IER3IP1: variants seen among roughly 807,000 people sequenced by gnomAD.
The protein encoded by IER3IP1 is immediate early response 3 interacting protein 1.
A neutral mutation model predicts 12.2 loss-of-function variants in IER3IP1; 16 were observed. The observed-to-expected ratio is 1.31, with a 90% CI of 0.89 to 1.99. The LOEUF (loss-of-function observed/expected upper bound fraction) is 1.99. Ranked by LOEUF, IER3IP1 falls within the 30% of genes most tolerant of loss-of-function variation. The pLI is 0.00. For missense variants in IER3IP1, 95 were observed against 95.8 expected (o/e 0.99, Z 0.03); for synonymous variants, 42 against 40.0 (o/e 1.05, Z -0.19).
intron 1 of IER3IP1, 31 bp downstream of exon 1, chr18:47,176,156 G>A (rs372599582): frequency 4.5e-6 from 7 of 1,555,200 alleles, no homozygotes; most frequent in Non-Finnish European, 5.2e-6. Context: ...CTCCGCCGCC[G>A]CCCCAGCCCG....
chr18:47,162,758 A>T (rs2063983783), intron 1 of IER3IP1, among the ~76,000 whole-genome samples: 1 of 152,190 alleles, frequency 6.6e-6, no homozygotes, highest in Admixed American at 6.5e-5. Context: ...CTTTTTAGCC[A>T]AAAGGGTCCA....
intron 1 of IER3IP1, among the ~76,000 whole-genome samples, chr18:47,158,455 C>G (rs750898346): frequency 2.0e-4 from 30 of 152,166 alleles, no homozygotes; most frequent in Non-Finnish European, 3.8e-4. Flanking sequence ...GATCCTCCCA[C>G]CTCGGCCTCC....
intron 1 of IER3IP1, among the ~76,000 whole-genome samples, chr18:47,164,615 T>A (rs985267608): frequency 1.3e-5 from 2 of 151,948 alleles, no homozygotes; most frequent in Admixed American, 1.3e-4. Flanking sequence ...GAGACCAGCC[T>A]GACAAAAAGT....
chr18:47,167,233 G>A (rs1258561434), intron 1 of IER3IP1, among the ~76,000 whole-genome samples: 2 of 151,998 alleles, frequency 1.3e-5, no homozygotes, highest in Non-Finnish European at 2.9e-5. Flanking sequence ...TGTACTTGAG[G>A]AGAGACAGGG....
At chr18:47,161,037 CTT>C (rs1171153836) in intron 1 of IER3IP1, among the ~76,000 whole-genome samples, 2 of 152,318 alleles carry the variant, frequency 1.3e-5, no homozygotes, top group Middle Eastern at 3.4e-3. Flanking sequence ...TTGTCCTTCT[CTT>C]GTCCTCATTT....
intron 1 of IER3IP1, among the ~76,000 whole-genome samples, chr18:47,161,018 T>G (rs749405854): frequency 6.6e-6 from 1 of 152,214 alleles, no homozygotes; most frequent in Non-Finnish European, 1.5e-5. Flanking sequence ...ATGTCCTCAT[T>G]TCTGCAATTT....
chr18:47,176,272 G>A lies in IER3IP1; in HGVS notation c.6C>T (p.Ala2=), dbSNP rs1397667968. Residue 2 remains alanine (A), a synonymous_variant, in exon 1 of 3, where the codon GCC becomes GCT. Coordinates refer to ENST00000256433, the MANE Select transcript of IER3IP1 (RefSeq NM_016097.5). M[A]FTLYSLLQAA... is the part of the protein sequence containing the mutation. ...CCTGCAGCAGTGAGTACAGGGTAAA[G>A]GCCATGGCCGTCCGAGGCCGCCCCG... 1 of 1,607,856 alleles carries A rather than the reference G, an allele frequency of 6.2e-7. No homozygotes were observed. The highest frequency in any genetic ancestry group is 1.1e-5 in the South Asian group (1 of 89,976).
Position 47,165,323 on chromosome 18 carries a change from C to T in IER3IP1, c.92-7786G>A, listed in dbSNP as rs538543286. ...ATCTCAGCACTTCGGGAGGCCAAGG[C>T]GGGCAGATCACTTGAGGCCAGAAGT... On this transcript the variant is annotated intron_variant, in intron 1 of 2. Transcript: ENST00000256433. Among the ~76,000 whole-genome samples, 11 of 152,220 alleles carry T rather than the reference C, an allele frequency of 7.2e-5. 1 individual carries two copies. The South Asian group carries it at 1.0e-3, about 14-fold the overall frequency.
chr18:47,158,703 A>G (rs1271926091), intron 1 of IER3IP1, among the ~76,000 whole-genome samples: 2 of 151,888 alleles, frequency 1.3e-5, no homozygotes, highest in South Asian at 2.1e-4. Context: ...ACTCACGCCT[A>G]TAATTCCAGC....
chr18:47,175,324 A>G, intron 1 of IER3IP1, among the ~76,000 whole-genome samples: 1 of 152,212 alleles, frequency 6.6e-6, no homozygotes, highest in Admixed American at 6.5e-5. Flanking sequence ...GAGTGTCTGA[A>G]TGTCCTGATA....
chr18:47,163,094 T>C (rs1385146111), intron 1 of IER3IP1, among the ~76,000 whole-genome samples: 2 of 152,152 alleles, frequency 1.3e-5, no homozygotes, highest in Admixed American at 6.6e-5. Context: ...ATATATACTA[T>C]ATATATTTTT....
At chr18:47,173,155 A>T (rs972388198) in intron 1 of IER3IP1, among the ~76,000 whole-genome samples, 1 of 152,186 alleles carries the variant, frequency 6.6e-6, no homozygotes, top group Non-Finnish European at 1.5e-5. Flanking sequence ...TCTCAAACTG[A>T]GCATGACTAA....
intron 1 of IER3IP1, 47 bp downstream of exon 1, chr18:47,176,140 C>G: frequency 1.3e-6 from 2 of 1,502,088 alleles, no homozygotes; most frequent in African/African-American, 1.4e-5. Flanking sequence ...TACGCGCCCC[C>G]GGGGACTCCG....
intron 1 of IER3IP1, among the ~76,000 whole-genome samples, chr18:47,162,899 T>G (rs1278067511): frequency 6.6e-6 from 1 of 152,144 alleles, no homozygotes; most frequent in South Asian, 2.1e-4. Flanking sequence ...AGTCATTTTT[T>G]TTTACCATTC....
intron 1 of IER3IP1, among the ~76,000 whole-genome samples, chr18:47,168,301 C>CAAAAAAAAAAAAAAAAAAAAAA (rs35347851): frequency 9.3e-6 from 1 of 107,166 alleles, no homozygotes; most frequent in African/African-American, 3.8e-5. Flanking sequence ...GACTCCATCA[C>CAAAAAAAAAAAAAAAAAAAAAA]AAAAAAAAAA....
At chr18:47,166,031 C>A (rs2144432165) in intron 1 of IER3IP1, among the ~76,000 whole-genome samples, 1 of 152,244 alleles carries the variant, frequency 6.6e-6, no homozygotes, top group Non-Finnish European at 1.5e-5. Context: ...CAAACTGGTA[C>A]TGGATAAAGC....
rs953975432 is a variant in IER3IP1, at chr18:47,172,463, C to T, written c.91+3724G>A. Reference sequence around the variant, plus strand: ...TCAGTCCTTAACTTACAGTAGTCCTCCCCCTTAATCTTGGAGATACACTTC... The same window carrying T: ...TCAGTCCTTAACTTACAGTAGTCCTTCCCCTTAATCTTGGAGATACACTTC... On this transcript the variant is annotated intron_variant, in intron 1 of 2. Transcript: ENST00000256433. The surrounding 1 kb of genome is among the most constrained non-coding windows in gnomAD (Gnocchi z 4.0). Among the ~76,000 whole-genome samples, 1 of 152,148 alleles carries T rather than the reference C, an allele frequency of 6.6e-6. No homozygotes were observed. Among genetic ancestry groups the T allele is most frequent in the Non-Finnish European group, 1.5e-5 (1 of 68,024 alleles).
At chr18:47,160,966 C>G (rs541548653) in intron 1 of IER3IP1, among the ~76,000 whole-genome samples, 1 of 152,142 alleles carries the variant, frequency 6.6e-6, no homozygotes, top group Non-Finnish European at 1.5e-5. Flanking sequence ...TTCACCCTTA[C>G]GCATTAATTC....
At chr18:47,167,198 A>G (rs1054083069) in intron 1 of IER3IP1, among the ~76,000 whole-genome samples, 2 of 151,974 alleles carry the variant, frequency 1.3e-5, no homozygotes, top group Non-Finnish European at 2.9e-5. Flanking sequence ...TTACAGGCAG[A>G]GTGTCACCAA....
Sources: gnomAD v4.1 joint callset for allele counts (sites outside exome capture counted in the v4.1 genomes callset) on GRCh38, gnomAD v4.1.1 for gene constraint, Gnocchi (gnomAD v3.1) non-coding constraint, MANE v1.5 for transcripts, NCBI Gene and HGNC (gene_info 2026-07-23, HGNC 2026-07-21) for gene names.